Variants in GTF3C1 observed in about 807,000 individuals in gnomAD.
GTF3C1 encodes the protein general transcription factor 3C polypeptide 1.
A neutral mutation model predicts 226.7 loss-of-function variants in GTF3C1; 57 were observed. The ratio of observed to expected loss-of-function variants is 0.25; its 90% CI spans 0.20 to 0.31. The LOEUF (loss-of-function observed/expected upper bound fraction) is 0.31, where lower values mean the gene tolerates loss of function less well. Ranked by LOEUF, GTF3C1 falls within the 10% of genes least tolerant of loss-of-function variation. GTF3C1 has a pLI of 1.00. For missense variants in GTF3C1, 2,217 were observed against 2,776.1 expected, an observed-to-expected ratio of 0.80 and a Z score of 4.53; for synonymous variants, 1,090 against 1,084.8, an observed-to-expected ratio of 1.00 and a Z score of -0.09.
chr16:27,519,942 C>CA (rs998319123), intron 6 of GTF3C1, among the ~76,000 whole-genome samples: 14 of 151,764 alleles, frequency 9.2e-5, no homozygotes, highest in East Asian at 2.0e-4. Flanking sequence ...CCCGTCTCTA[C>CA]AAAAAAAACA....
chr16:27,525,693 G>A (rs1356359748), intron 6 of GTF3C1, among the ~76,000 whole-genome samples: 1 of 152,214 alleles, frequency 6.6e-6, no homozygotes, highest in Non-Finnish European at 1.5e-5. Context: ...TGGGGGTGCT[G>A]TGGGTCTGTC....
At chr16:27,504,245 T>C (rs143334873) in intron 10 of GTF3C1, among the ~76,000 whole-genome samples, 43 of 152,190 alleles carry the variant, frequency 2.8e-4, no homozygotes, top group African/African-American at 1.0e-3. Flanking sequence ...GAGGAAGAGC[T>C]GAACTGGAAA....
chr16:27,532,956 A>T (rs2088942952), intron 5 of GTF3C1, among the ~76,000 whole-genome samples: 1 of 152,098 alleles, frequency 6.6e-6, no homozygotes, highest in South Asian at 2.1e-4. Context: ...AACATGGTGA[A>T]ATCTGTCTCT....
At chr16:27,504,737 G>C (rs988129329) in intron 10 of GTF3C1, among the ~76,000 whole-genome samples, 1 of 151,748 alleles carries the variant, frequency 6.6e-6, no homozygotes, top group Non-Finnish European at 1.5e-5. Flanking sequence ...GCAACATGAT[G>C]AAACCATCTC....
chr16:27,490,173 A>G (rs2088211924), intron 19 of GTF3C1, among the ~76,000 whole-genome samples: 2 of 152,302 alleles, frequency 1.3e-5, no homozygotes, highest in South Asian at 2.1e-4. Flanking sequence ...CTGTACAGAC[A>G]GATTGCTGAG....
At chr16:27,478,755 G>A (rs1036694651) in intron 27 of GTF3C1, among the ~76,000 whole-genome samples, 2 of 151,204 alleles carry the variant, frequency 1.3e-5, no homozygotes, top group African/African-American at 4.9e-5. Context: ...TTCACTCACC[G>A]ACAATTATGT....
chr16:27,527,364 G>A (rs1316275178), intron 6 of GTF3C1, among the ~76,000 whole-genome samples: 1 of 152,156 alleles, frequency 6.6e-6, no homozygotes, highest in Non-Finnish European at 1.5e-5. Flanking sequence ...TGCACTTTTA[G>A]TAGAAATGGG....
At position 27,464,650 on chromosome 16, in the gene GTF3C1, C is replaced by T. The variant is rs750603013; in HGVS notation, c.5542G>A (p.Glu1848Lys). 2.2e-5 allele frequency: 33 copies of T among 1,520,144 alleles called. No individual in the cohort carries two copies. Among genetic ancestry groups the T allele is most frequent in the South Asian group, 2.6e-5 (2 of 76,716 alleles). 94.2% of individuals were successfully genotyped at this position (1,520,144 alleles called of 1,614,324 possible). ...CTGTGAGAAGGAGGTGCCTGCCCCT[C>T]GGGGGGGCTGTCCTCACTGGAAGAC... ...EGSSSEDSPP[E>K]GQAPPSHSPR... Residue 1848 changes from glutamate to lysine, a missense_variant, in exon 34 of 37, where the codon GAG becomes AAG. Glu to Lys is a moderately conservative substitution (Grantham distance 56, BLOSUM62 1). This residue lies in a region of GTF3C1 where 455 missense variants were observed against 441.9 expected (regional missense o/e 1.03). Transcript: ENST00000356183.
At position 27,494,874 on chromosome 16, in the gene GTF3C1, G is replaced by C. The variant is rs767554379; in HGVS notation, c.2667C>G (p.Ile889Met). 6.8e-6 allele frequency: 11 copies of C among 1,613,596 alleles called. No individual in the cohort carries two copies. Among genetic ancestry groups the C allele is most frequent in the African/African-American group, 1.3e-5 (1 of 75,018 alleles). The change falls in exon 16 of 37, where the codon ATC becomes ATG. Residue 889 changes from isoleucine (I) to methionine (M), a missense_variant. Ile to Met is a conservative substitution (Grantham distance 10). Around this residue, in one of 12 missense-constraint regions of GTF3C1, gnomAD observed 353 missense variants for 411.7 expected, o/e 0.86. Coordinates refer to ENST00000356183, the MANE Select transcript of GTF3C1 (RefSeq NM_001520.4). ...AGTCCCTGTGGACTGGGATTGGGGG[G>C]ATGTAGCGCATCCACGAGGCATCGT... is the stretch of plus-strand genomic sequence containing the variant. ...YVDDASWMRY[I>M]PPIPVHRDFG...
At position 27,465,221 on chromosome 16, in the gene GTF3C1, C is replaced by T. The variant is rs142142012; in HGVS notation, c.5355+39G>A. The T allele has an allele frequency of 2.3e-4, 361 of 1,598,944 alleles. 1 individual carries two copies. The African/African-American group carries it at 2.8e-3, about 12-fold the overall frequency. On this transcript the variant is annotated intron_variant, in intron 33 of 36. Coordinates refer to ENST00000356183, the MANE Select transcript of GTF3C1 (RefSeq NM_001520.4). ...CACCTGGCCTGGGAGCTGCAATTTC[C>T]GCTTCGGTGATATCCGGCTAACCTA... is the stretch of plus-strand genomic sequence containing the variant.
intron 6 of GTF3C1, among the ~76,000 whole-genome samples, chr16:27,515,648 G>A (rs2088645875): frequency 6.6e-6 from 1 of 152,212 alleles, no homozygotes; most frequent in African/African-American, 2.4e-5. Flanking sequence ...GCCAGGCAGA[G>A]AAGTGTTTCC....
chr16:27,468,884 C>T (rs148011878), intron 32 of GTF3C1, among the ~76,000 whole-genome samples: 2 of 152,226 alleles, frequency 1.3e-5, no homozygotes, highest in African/African-American at 2.4e-5. Flanking sequence ...AAAGATAATA[C>T]CTAAAAGTTT....
Position 27,470,277 on chromosome 16 carries a change from T to C in GTF3C1, c.4645A>G (p.Asn1549Asp). The change falls in exon 31 of 37, where the codon AAT becomes GAT. Residue 1549 changes from asparagine to aspartate, a missense_variant. This residue lies in a region of GTF3C1 where 546 missense variants were observed against 663.0 expected (regional missense o/e 0.82). Coordinates refer to ENST00000356183, the MANE Select transcript of GTF3C1 (RefSeq NM_001520.4). The surrounding 1 kb of genome is among the most constrained non-coding windows in gnomAD (Gnocchi z 4.9). ...ACCATGTCGTTTGTGGGCTCGTTAT[T>C]ATCCTGGTCTTTGAAAGAGAAACGA... is the stretch of plus-strand genomic sequence containing the variant. ...PDRFSFKDQD[N>D]NEPTNDMVAF... is the part of the protein sequence containing the mutation. 6.2e-7 allele frequency: 1 copy of C among 1,614,042 alleles called. No homozygotes were observed. The highest frequency in any genetic ancestry group is 8.5e-7 in the Non-Finnish European group (1 of 1,179,872).
intron 5 of GTF3C1, among the ~76,000 whole-genome samples, 189 bp downstream of exon 5, chr16:27,533,102 A>G (rs936565954): frequency 1.3e-5 from 2 of 152,206 alleles, no homozygotes; most frequent in African/African-American, 4.8e-5. Context: ...ACCGCACCCC[A>G]GCCAGGGCAA....
chr16:27,485,506 G>A (rs1022836492), intron 24 of GTF3C1, among the ~76,000 whole-genome samples: 2 of 152,246 alleles, frequency 1.3e-5, no homozygotes, highest in Admixed American at 1.3e-4. Context: ...GCAGTTACAG[G>A]AAGGTAAATT....
rs373642264 is a variant in GTF3C1, at chr16:27,461,852, T to C, written c.6118-290A>G. ...CAGCGCGGGATAAATCCCAGCTTCC[T>C]GTGAGCCAAGACTGGCTTCCAGGTG... On this transcript the variant is annotated intron_variant, in intron 36 of 36. Coordinates refer to ENST00000356183, the MANE Select transcript of GTF3C1 (RefSeq NM_001520.4). The surrounding 1 kb of genome is among the most constrained non-coding windows in gnomAD (Gnocchi z 5.3). The C allele has an allele frequency of 9.1e-6, 4 of 441,720 alleles. No individual in the cohort carries two copies. The highest frequency in any genetic ancestry group is 7.8e-5 in the African/African-American group (4 of 51,546). 27.4% of individuals were successfully genotyped at this position (441,720 alleles called of 1,614,324 possible).
At position 27,461,309 on chromosome 16, in the gene GTF3C1, G is replaced by C. The variant is rs763965774; in HGVS notation, c.*41C>G. 2.3e-6 allele frequency: 3 copies of C among 1,311,188 alleles called. No homozygotes were observed. In the African/African-American group the frequency reaches 4.3e-5, roughly 19 times the overall value. 81.2% of individuals were successfully genotyped at this position (1,311,188 alleles called of 1,614,324 possible). A position where few individuals can be genotyped will look rare whatever the true frequency, so the allele number is the denominator to read the frequency against. On this transcript the variant is annotated 3_prime_UTR_variant, in exon 37 of 37. Transcript: ENST00000356183. The surrounding 1 kb of genome is among the most constrained non-coding windows in gnomAD (Gnocchi z 5.3). ...GCCGAGCACCAGGCAGGAGTGGTGT[G>C]GCAGGCGGTGGCTGGGAGGGAGGGG...
chr16:27,489,243 G>GC, intron 20 of GTF3C1, 65 bp from the exon 21 acceptor site: 10 of 1,568,306 alleles, frequency 6.4e-6, no homozygotes, highest in Non-Finnish European at 8.8e-6. Context: ...AGAGCCCATG[G>GC]CATGGGTTGA....
Position 27,492,365 on chromosome 16 carries a change from G to A in GTF3C1, c.3124C>T (p.Gln1042Ter). 1 of 1,606,244 alleles carries A rather than the reference G, an allele frequency of 6.2e-7. No individual in the cohort carries two copies. The highest frequency in any genetic ancestry group is 8.5e-7 in the Non-Finnish European group (1 of 1,174,874). ...QDVENYWFDLQCVCLNTPLGV... is the reference protein window; with the variant it reads ...QDVENYWFDL Reference sequence around the variant, plus strand: ...AGTGGGGTGTTGAGGCAGACGCACTGCAGGTCAAACCAGTAGTTTTCCACA... The same window carrying A: ...AGTGGGGTGTTGAGGCAGACGCACTACAGGTCAAACCAGTAGTTTTCCACA... The change falls in exon 19 of 37, where the codon CAG becomes TAG. Residue 1042 changes from glutamine (Q) to a stop codon, truncating the protein, a stop_gained. Coordinates refer to ENST00000356183, the MANE Select transcript of GTF3C1 (RefSeq NM_001520.4). LOFTEE classifies it high-confidence loss of function. This position sits in a 1 kb window ranked among gnomAD's most constrained non-coding sequence, Gnocchi z 5.0.
Sources: allele counts gnomAD v4.1 joint callset (sites outside exome capture counted in the v4.1 genomes callset), GRCh38; gene constraint gnomAD v4.1.1; regional missense constraint gnomAD v4.1.1; non-coding constraint Gnocchi (gnomAD v3.1); transcripts MANE v1.5; gene names NCBI Gene and HGNC (gene_info 2026-07-23, HGNC 2026-07-21).